The following EVL variants were observed in gnomAD, a reference collection of about 807,000 sequenced individuals.
EVL encodes Enah/Vasp-like, also known as ena/VASP-like protein.
Under a neutral mutation model 59.6 loss-of-function variants are expected in EVL, and 21 were observed. That is an observed-to-expected ratio of 0.35 (90% CI 0.25 to 0.51). The LOEUF (loss-of-function observed/expected upper bound fraction) is 0.51. EVL is among the 20% of genes least tolerant of loss of function. The probability of loss-of-function intolerance (pLI) is 0.97; values close to 1 mark genes in which losing one functional copy is unlikely to be tolerated. For missense variants in EVL, 462 were observed against 546.6 expected (o/e 0.85, Z 1.54); for synonymous variants, 198 against 203.5 (o/e 0.97, Z 0.23).
intron 1 of EVL, among the ~76,000 whole-genome samples, chr14:99,990,858 T>C (rs1349308579): frequency 1.3e-5 from 2 of 152,134 alleles, no homozygotes; most frequent in African/African-American, 4.8e-5. Flanking sequence ...TTGCATTCTT[T>C]GGATACATAC....
chr14:100,085,571 G>A (rs1215911762), intron 2 of EVL, among the ~76,000 whole-genome samples: 1 of 152,180 alleles, frequency 6.6e-6, no homozygotes, highest in Non-Finnish European at 1.5e-5. Context: ...TAACAGATCT[G>A]TGATTATAGC....
chr14:99,982,897 T>A (rs546440622), intron 1 of EVL, among the ~76,000 whole-genome samples: 1 of 152,358 alleles, frequency 6.6e-6, no homozygotes, highest in African/African-American at 2.4e-5. Context: ...TTTAGCAATT[T>A]ACGTAACCTT....
chr14:100,041,023 C>T (rs1485577166), intron 1 of EVL, among the ~76,000 whole-genome samples: 1 of 152,124 alleles, frequency 6.6e-6, no homozygotes, highest in Non-Finnish European at 1.5e-5. Flanking sequence ...GGTCAGTCAA[C>T]ACTATAAATT....
In EVL at chr14:100,108,198, G is replaced by GAC. The variant is rs1350113597; in HGVS notation, c.358+10541_358+10542dup. On this transcript the variant is annotated intron_variant, in intron 3 of 13. Coordinates refer to ENST00000392920, the MANE Select transcript of EVL (RefSeq NM_016337.3). The surrounding 1 kb of genome is among the most constrained non-coding windows in gnomAD (Gnocchi z 4.1). ...AGCCCCGGAAAGGGACTTACAGGCA[G>GAC]ACCTTCCCGGGAAGAGTCAGGCCCA... 6.6e-6 allele frequency: 1 copy of GAC among 152,204 alleles called. No individual in the cohort carries two copies. The highest frequency in any genetic ancestry group is 1.5e-5 in the Non-Finnish European group (1 of 68,060). 9.4% of individuals were successfully genotyped at this position (152,204 alleles called of 1,614,324 possible). A position where few individuals can be genotyped will look rare whatever the true frequency, so the allele number is the denominator to read the frequency against.
intron 1 of EVL, among the ~76,000 whole-genome samples, chr14:100,009,865 C>G (rs2061005372): frequency 6.6e-6 from 1 of 152,146 alleles, no homozygotes; most frequent in Admixed American, 6.6e-5. Flanking sequence ...GGCTTCCAGG[C>G]TGTAGGTAAA....
chr14:100,026,458 C>T (rs563012339), intron 1 of EVL, among the ~76,000 whole-genome samples: 4 of 151,298 alleles, frequency 2.6e-5, no homozygotes, highest in African/African-American at 9.7e-5. Flanking sequence ...TATAAATTGA[C>T]CCTGTGTCTT....
chr14:100,085,041 T>G (rs1297922076), intron 2 of EVL, 186 bp downstream of exon 2: 1 of 567,540 alleles, frequency 1.8e-6, no homozygotes, highest in East Asian at 3.0e-5. Context: ...AGCACACTGT[T>G]TCCTGGATTT....
chr14:100,014,512 T>A (rs1179348504), intron 1 of EVL, among the ~76,000 whole-genome samples: 1 of 152,228 alleles, frequency 6.6e-6, no homozygotes, highest in African/African-American at 2.4e-5. Flanking sequence ...TGTACCACAT[T>A]TTCTTTATCC....
intron 1 of EVL, among the ~76,000 whole-genome samples, chr14:99,981,399 C>G (rs1008005227): frequency 6.6e-6 from 1 of 152,020 alleles, no homozygotes; most frequent in Non-Finnish European, 1.5e-5. Flanking sequence ...TCATTGCACT[C>G]CGGCCTGGGC....
chr14:100,001,103 G>T (rs188810180), intron 1 of EVL, among the ~76,000 whole-genome samples: 1 of 152,238 alleles, frequency 6.6e-6, no homozygotes, highest in East Asian at 1.9e-4. Context: ...AATTGATAGA[G>T]GCCACGTTAC....
chr14:100,094,351 TC>T (rs1050300699), intron 2 of EVL, among the ~76,000 whole-genome samples: 2 of 151,204 alleles, frequency 1.3e-5, no homozygotes, highest in Admixed American at 6.6e-5. Flanking sequence ...AATTCTCATT[TC>T]CCCCCCAAGA....
At chr14:100,008,461 A>G (rs1052784101) in intron 1 of EVL, among the ~76,000 whole-genome samples, 1 of 152,080 alleles carries the variant, frequency 6.6e-6, no homozygotes, top group Non-Finnish European at 1.5e-5. Context: ...TATTAATGAA[A>G]TCTCTGAAAC....
At chr14:100,062,202 G>C (rs2061847123), upstream of EVL, among the ~76,000 whole-genome samples, 1 of 62,140 alleles carries the variant, frequency 1.6e-5, no homozygotes, top group Non-Finnish European at 3.0e-5. Flanking sequence ...AGAGTCAGCT[G>C]TGTGTATATA....
intron 1 of EVL, among the ~76,000 whole-genome samples, chr14:99,991,759 G>T (rs1018428077): frequency 6.6e-6 from 1 of 152,108 alleles, no homozygotes; most frequent in Non-Finnish European, 1.5e-5. Context: ...AAAGGGTTAA[G>T]AATACAGTAT....
In EVL at chr14:100,089,949, A is replaced by G. The variant is rs544996069; in HGVS notation, c.180+5094A>G. Among the ~76,000 whole-genome samples the G allele has an allele frequency of 2.6e-4, 39 of 152,310 alleles. 1 individual carries two copies. Among genetic ancestry groups the G allele is most frequent in the South Asian group, 2.1e-4 (1 of 4,830 alleles). On this transcript the variant is annotated intron_variant, in intron 2 of 13. Coordinates refer to ENST00000392920, the MANE Select transcript of EVL (RefSeq NM_016337.3). ...ACCTTGTCTCAAAAAAAAAGCCCCA[A>G]AAAGTACATATGGGGAAATTTATAG...
chr14:100,104,112 A>G (rs1886407567), intron 3 of EVL, among the ~76,000 whole-genome samples: 1 of 152,154 alleles, frequency 6.6e-6, no homozygotes, highest in African/African-American at 2.4e-5. Flanking sequence ...CCTAACACCA[A>G]GTAAGTGTTT....
chr14:99,976,672 C>G (rs1191026), intron 1 of EVL, among the ~76,000 whole-genome samples: 20,042 of 152,142 alleles, frequency 0.13, 2,036 homozygotes, highest in East Asian at 0.28. Flanking sequence ...GGAGCACTTA[C>G]AATTGGCGTT....
At chr14:100,030,891 C>A (rs1263549537) in intron 1 of EVL, among the ~76,000 whole-genome samples, 1 of 152,204 alleles carries the variant, frequency 6.6e-6, no homozygotes, top group Non-Finnish European at 1.5e-5. Context: ...GTACGTTTCT[C>A]CGTGTCCTAT....
At chr14:100,037,920 C>T (rs748959254) in intron 1 of EVL, among the ~76,000 whole-genome samples, 10 of 152,164 alleles carry the variant, frequency 6.6e-5, no homozygotes, top group Non-Finnish European at 1.5e-4. Context: ...ACTGTATTAA[C>T]AATATGTCAT....
Sources: gnomAD v4.1 joint callset for allele counts (sites outside exome capture counted in the v4.1 genomes callset) on GRCh38, gnomAD v4.1.1 for gene constraint, Gnocchi (gnomAD v3.1) non-coding constraint, MANE v1.5 for transcripts, NCBI Gene and HGNC (gene_info 2026-07-23, HGNC 2026-07-21) for gene names.